The following MAP2 variants were observed in gnomAD, a reference collection of about 807,000 sequenced individuals.
MAP2 encodes microtubule-associated protein 2.
In MAP2, 14 loss-of-function variants were observed where a neutral mutation model predicts 137.6. The observed-to-expected ratio is 0.10, with a 90% CI of 0.07 to 0.16. The LOEUF (loss-of-function observed/expected upper bound fraction) is 0.16. Ranked by LOEUF, MAP2 falls within the 10% of genes least tolerant of loss-of-function variation. The probability of loss-of-function intolerance (pLI) is 1.00; values close to 1 mark genes in which losing one functional copy is unlikely to be tolerated. For missense variants in MAP2, 2,088 were observed against 2,191.5 expected, an observed-to-expected ratio of 0.95 and a Z score of 0.94; for synonymous variants, 786 against 782.3, an observed-to-expected ratio of 1.00 and a Z score of -0.08.
intron 1 of MAP2, among the ~76,000 whole-genome samples, chr2:209,504,248 T>G (rs1336573312): frequency 6.9e-6 from 1 of 145,362 alleles, no homozygotes; most frequent in Non-Finnish European, 1.5e-5. Flanking sequence ...CAGGCTCCTG[T>G]GTCATAAAAC....
chr2:209,647,254 C>T (rs1450539462), intron 4 of MAP2, among the ~76,000 whole-genome samples: 2 of 152,170 alleles, frequency 1.3e-5, no homozygotes, highest in Non-Finnish European at 2.9e-5. Flanking sequence ...ACCTCCAACA[C>T]TGGCAATTAC....
chr2:209,700,413 T>G, intron 11 of MAP2, 75 bp downstream of exon 11: 1 of 1,180,830 alleles, frequency 8.5e-7, no homozygotes, highest in Non-Finnish European at 1.2e-6. Flanking sequence ...GAATAACTTT[T>G]GATATTGTTT....
chr2:209,715,985 C>T (rs2067432407), intron 13 of MAP2, among the ~76,000 whole-genome samples: 1 of 152,144 alleles, frequency 6.6e-6, no homozygotes, highest in South Asian at 2.1e-4. Flanking sequence ...CTGAATAGCT[C>T]TTAAATCTGG....
chr2:209,655,554 T>C (rs1354490331), intron 5 of MAP2, among the ~76,000 whole-genome samples: 1 of 152,242 alleles, frequency 6.6e-6, no homozygotes, highest in East Asian at 1.9e-4. Flanking sequence ...ACTTTTATCA[T>C]TCATGGTTTA....
intron 7 of MAP2, among the ~76,000 whole-genome samples, chr2:209,686,596 T>A (rs1305736715): frequency 6.6e-6 from 1 of 152,130 alleles, no homozygotes; most frequent in Non-Finnish European, 1.5e-5. Flanking sequence ...AACCACCACA[T>A]AGGCCTGAGA....
intron 3 of MAP2, among the ~76,000 whole-genome samples, chr2:209,583,046 C>T (rs16824918): frequency 6.6e-6 from 1 of 151,886 alleles, no homozygotes; most frequent in Non-Finnish European, 1.5e-5. Context: ...TCTTGATGTT[C>T]CATGCAATAA....
intron 3 of MAP2, among the ~76,000 whole-genome samples, chr2:209,594,653 TCTC>T (rs1314683181): frequency 7.9e-5 from 12 of 152,316 alleles, no homozygotes; most frequent in South Asian, 2.1e-4. Context: ...GTGTAAGAAT[TCTC>T]CTATCACTGA....
rs368825156 is a variant in MAP2, at chr2:209,497,034, G to T, written c.-221-10558G>T. The stretch of plus-strand genomic sequence containing the variant: ...CTGGCCTCAAGCAGTCTTCTGCCTT[G>T]GTCTCCCAAAGTGCTGGGATTAGAG... On this transcript the variant is annotated intron_variant, in intron 1 of 15. Transcript: ENST00000682079. Among the ~76,000 whole-genome samples the T allele has an allele frequency of 7.2e-5, 11 of 152,204 alleles. No individual in the cohort carries two copies. In the South Asian group the frequency reaches 2.3e-3, roughly 32 times the overall value.
At chr2:209,426,608 A>T (rs558933623) in intron 1 of MAP2, among the ~76,000 whole-genome samples, 2 of 152,326 alleles carry the variant, frequency 1.3e-5, no homozygotes, top group East Asian at 3.9e-4. Context: ...GGTACTTCAG[A>T]TTCATTGAGA....
intron 2 of MAP2, among the ~76,000 whole-genome samples, chr2:209,578,923 TTC>T (rs2075784498): frequency 2.0e-5 from 3 of 151,524 alleles, no homozygotes; most frequent in South Asian, 4.2e-4. Context: ...GGTTTTCTAA[TTC>T]TCTGTTTTTT....
intron 5 of MAP2, among the ~76,000 whole-genome samples, chr2:209,664,427 G>A (rs2045261816): frequency 6.6e-6 from 1 of 152,118 alleles, no homozygotes; most frequent in Admixed American, 6.5e-5. Context: ...GCACATGCCT[G>A]TAATACCAGC....
intron 2 of MAP2, among the ~76,000 whole-genome samples, chr2:209,544,458 G>T (rs1268848910): frequency 6.6e-6 from 1 of 151,944 alleles, no homozygotes; most frequent in Non-Finnish European, 1.5e-5. Context: ...TGAGCTTAAG[G>T]GCTTTAAAAT....
At chr2:209,524,456 GC>G (rs2063733034) in intron 2 of MAP2, among the ~76,000 whole-genome samples, 1 of 151,902 alleles carries the variant, frequency 6.6e-6, no homozygotes, top group Non-Finnish European at 1.5e-5. Context: ...CTGGCTGTTA[GC>G]TTTATGATAA....
chr2:209,440,984 A>G (rs1242964716), intron 1 of MAP2, among the ~76,000 whole-genome samples: 4 of 151,546 alleles, frequency 2.6e-5, no homozygotes, highest in African/African-American at 7.3e-5. Context: ...GGGGGAGGAA[A>G]CATACATGTG....
intron 1 of MAP2, among the ~76,000 whole-genome samples, chr2:209,469,438 A>G (rs1255632240): frequency 6.6e-6 from 1 of 152,106 alleles, no homozygotes; most frequent in Non-Finnish European, 1.5e-5. Flanking sequence ...TTTATATTTT[A>G]CTTTTTAAAA....
At chr2:209,647,545 T>A (rs2153595335) in intron 4 of MAP2, among the ~76,000 whole-genome samples, 1 of 152,334 alleles carries the variant, frequency 6.6e-6, no homozygotes, top group Non-Finnish European at 1.5e-5. Flanking sequence ...TATGCTGATA[T>A]ACTATGATAC....
chr2:209,689,308 T>C (rs962137551), intron 7 of MAP2, among the ~76,000 whole-genome samples: 21 of 152,070 alleles, frequency 1.4e-4, no homozygotes, highest in South Asian at 4.1e-4. Flanking sequence ...AGATTTTTTT[T>C]TCTCTCTCTG....
chr2:209,618,454 A>G (rs1450426642), intron 3 of MAP2, among the ~76,000 whole-genome samples: 1 of 152,190 alleles, frequency 6.6e-6, no homozygotes, highest in Non-Finnish European at 1.5e-5. Context: ...ATAAATCACT[A>G]TGTGGTATCC....
At chr2:209,533,604 T>C (rs1452446282) in intron 2 of MAP2, among the ~76,000 whole-genome samples, 1 of 152,208 alleles carries the variant, frequency 6.6e-6, no homozygotes, top group Non-Finnish European at 1.5e-5. Flanking sequence ...TTTTGTTGTA[T>C]GAAAAATTTC....
Sources: gnomAD v4.1 joint callset for allele counts (sites outside exome capture counted in the v4.1 genomes callset) on GRCh38, gnomAD v4.1.1 for gene constraint, MANE v1.5 for transcripts, NCBI Gene and HGNC (gene_info 2026-07-23, HGNC 2026-07-21) for gene names.